The following TMEM163 variants were observed in gnomAD, a reference collection of about 807,000 sequenced individuals.
The protein encoded by TMEM163 is transmembrane protein 163.
In TMEM163, 17 loss-of-function variants were observed where a neutral mutation model predicts 29.3. The ratio of observed to expected loss-of-function variants is 0.58; its 90% CI spans 0.40 to 0.87. TMEM163 has a LOEUF of 0.87. Ranked by LOEUF, TMEM163 falls within the 40% of genes least tolerant of loss-of-function variation. TMEM163 has a pLI of 0.00. For missense variants in TMEM163, 303 were observed against 381.5 expected, an observed-to-expected ratio of 0.79 and a Z score of 1.71; for synonymous variants, 157 against 160.6, an observed-to-expected ratio of 0.98 and a Z score of 0.17.
At chr2:134,505,822 G>A (rs1263629342) in intron 4 of TMEM163, among the ~76,000 whole-genome samples, 1 of 152,188 alleles carries the variant, frequency 6.6e-6, no homozygotes, top group Non-Finnish European at 1.5e-5. Context: ...AAGGATGCAA[G>A]GGCTTCGTAG....
chr2:134,641,480 A>G (rs1366490646), intron 2 of TMEM163, among the ~76,000 whole-genome samples: 1 of 152,210 alleles, frequency 6.6e-6, no homozygotes, highest in African/African-American at 2.4e-5. Flanking sequence ...AGAGAAATTA[A>G]CCTTTTAACT....
chr2:134,674,486 G>GGCGCGCGCGCGCGC (rs752979552), intron 2 of TMEM163, among the ~76,000 whole-genome samples: 2 of 91,596 alleles, frequency 2.2e-5, no homozygotes, highest in South Asian at 2.9e-4. Context: ...TGGGACTACA[G>GGCGCGCGCGCGCGC]GCGCGCGCGC....
intron 2 of TMEM163, among the ~76,000 whole-genome samples, chr2:134,565,776 A>G (rs1681288473): frequency 1.3e-5 from 2 of 152,276 alleles, no homozygotes; most frequent in African/African-American, 4.8e-5. Context: ...AACAATGACA[A>G]TACATGAATT....
At chr2:134,484,828 T>C (rs1408855401) in intron 5 of TMEM163, among the ~76,000 whole-genome samples, 1 of 152,172 alleles carries the variant, frequency 6.6e-6, no homozygotes, top group Non-Finnish European at 1.5e-5. Context: ...TAAATCACGC[T>C]GATAACAAAA....
chr2:134,495,562 T>C (rs1189647823), intron 5 of TMEM163, among the ~76,000 whole-genome samples: 1 of 152,224 alleles, frequency 6.6e-6, no homozygotes, highest in African/African-American at 2.4e-5. Context: ...CACAGTCACC[T>C]CCACAGGTGG....
intron 5 of TMEM163, among the ~76,000 whole-genome samples, chr2:134,500,517 C>T (rs1679674548): frequency 6.6e-6 from 1 of 152,202 alleles, no homozygotes; most frequent in Non-Finnish European, 1.5e-5. Flanking sequence ...AACCATCTGG[C>T]ATCGCTTCTT....
At chr2:134,590,078 C>T (rs552002182) in intron 2 of TMEM163, among the ~76,000 whole-genome samples, 2 of 151,922 alleles carry the variant, frequency 1.3e-5, no homozygotes, top group Non-Finnish European at 2.9e-5. Context: ...TCCCATCATC[C>T]TTCATGCCCT....
At chr2:134,661,480 T>A (rs1574319688) in intron 2 of TMEM163, among the ~76,000 whole-genome samples, 1 of 152,286 alleles carries the variant, frequency 6.6e-6, no homozygotes, top group Non-Finnish European at 1.5e-5. Flanking sequence ...AACAATGGCT[T>A]CCCGCCACAG....
chr2:134,547,855 A>ATCC (rs1207112133), intron 4 of TMEM163, among the ~76,000 whole-genome samples: 1 of 152,242 alleles, frequency 6.6e-6, no homozygotes, highest in African/African-American at 2.4e-5. Context: ...ATTATTAAAA[A>ATCC]CAGTGAAACC....
intron 2 of TMEM163, among the ~76,000 whole-genome samples, chr2:134,611,502 T>C (rs936994674): frequency 6.6e-6 from 1 of 152,150 alleles, no homozygotes; most frequent in African/African-American, 2.4e-5. Context: ...TGTTGGAAAG[T>C]ATGATCTCAC....
intron 2 of TMEM163, among the ~76,000 whole-genome samples, chr2:134,591,528 G>A (rs1424794010): frequency 6.6e-6 from 1 of 152,198 alleles, no homozygotes; most frequent in Non-Finnish European, 1.5e-5. Flanking sequence ...ATGCAGCCCA[G>A]TAGGTTTCAG....
intron 2 of TMEM163, among the ~76,000 whole-genome samples, chr2:134,712,782 T>A (rs1684952960): frequency 6.6e-6 from 1 of 152,180 alleles, no homozygotes; most frequent in Non-Finnish European, 1.5e-5. Context: ...CTCCAAGCCT[T>A]ACACAGATAT....
At chr2:134,652,590 G>GTGTT (rs913037025) in intron 2 of TMEM163, among the ~76,000 whole-genome samples, 1 of 112,408 alleles carries the variant, frequency 8.9e-6, no homozygotes, top group Non-Finnish European at 1.7e-5. Context: ...ATGTTGAATA[G>GTGTT]GAGTGGTGAG....
At chr2:134,520,815 G>GGTAA (rs2106494969) in intron 4 of TMEM163, among the ~76,000 whole-genome samples, 1 of 152,268 alleles carries the variant, frequency 6.6e-6, no homozygotes, top group South Asian at 2.1e-4. Flanking sequence ...ATCATGACAG[G>GGTAA]GTAAGTCTCT....
At chr2:134,548,209 T>C (rs1680832874) in intron 4 of TMEM163, among the ~76,000 whole-genome samples, 1 of 152,184 alleles carries the variant, frequency 6.6e-6, no homozygotes. Context: ...CTAAAAGACA[T>C]TTTTAAAAGC....
intron 2 of TMEM163, among the ~76,000 whole-genome samples, chr2:134,674,354 T>C (rs1449394687): frequency 6.7e-6 from 1 of 148,740 alleles, no homozygotes; most frequent in African/African-American, 2.5e-5. Flanking sequence ...TTTTTTTTTT[T>C]TTTTTTTTGA....
chr2:134,543,610 C>T (rs536812750), intron 4 of TMEM163, among the ~76,000 whole-genome samples: 1 of 152,324 alleles, frequency 6.6e-6, no homozygotes, highest in Non-Finnish European at 1.5e-5. Flanking sequence ...ATTACCTATC[C>T]ATCACTTCTT....
At chr2:134,477,905 T>C (rs902541438) in intron 5 of TMEM163, among the ~76,000 whole-genome samples, 2 of 152,206 alleles carry the variant, frequency 1.3e-5, no homozygotes, top group African/African-American at 4.8e-5. Flanking sequence ...AAATCTCATG[T>C]TGAAATGTGA....
intron 2 of TMEM163, among the ~76,000 whole-genome samples, chr2:134,669,855 G>C (rs1214677625): frequency 6.6e-6 from 1 of 152,144 alleles, no homozygotes; most frequent in African/African-American, 2.4e-5. Flanking sequence ...CGAGAAGAGA[G>C]ATGGACAAAC....
Sources: gnomAD v4.1 joint callset for allele counts (sites outside exome capture counted in the v4.1 genomes callset) on GRCh38, gnomAD v4.1.1 for gene constraint, MANE v1.5 for transcripts, NCBI Gene and HGNC (gene_info 2026-07-23, HGNC 2026-07-21) for gene names.